Variants in PLPPR1 observed in about 807,000 individuals in gnomAD.
The protein encoded by PLPPR1 is phospholipid phosphatase-related protein type 1.
In PLPPR1, 10 loss-of-function variants were observed where a neutral mutation model predicts 33.1. The observed-to-expected ratio is 0.30, with a 90% CI of 0.19 to 0.51. PLPPR1 has a LOEUF of 0.51. Among genes scored for constraint, PLPPR1 ranks in the 20% least tolerant of loss-of-function variants. The pLI is 0.97. For synonymous variants in PLPPR1, 151 were observed against 151.0 expected (o/e 1.00, Z 0.00); for missense variants, 304 against 408.1 (o/e 0.74, Z 2.20).
At chr9:101,151,810 A>T (rs976633271) in intron 1 of PLPPR1, among the ~76,000 whole-genome samples, 14 of 152,172 alleles carry the variant, frequency 9.2e-5, no homozygotes, top group Admixed American at 2.0e-4. Flanking sequence ...AATCCATTCA[A>T]GTTGGTGTGA....
At chr9:101,220,957 A>G in intron 2 of PLPPR1, among the ~76,000 whole-genome samples, 1 of 152,212 alleles carries the variant, frequency 6.6e-6, no homozygotes. Context: ...GAAGAAATGG[A>G]TGCTGGGTTG....
At chr9:101,217,986 T>C (rs1167550358) in intron 2 of PLPPR1, among the ~76,000 whole-genome samples, 1 of 152,126 alleles carries the variant, frequency 6.6e-6, no homozygotes, top group African/African-American at 2.4e-5. Context: ...ACCCTTTGAC[T>C]CAGTAACTTC....
At chr9:101,111,208 A>G (rs1211800731) in intron 1 of PLPPR1, among the ~76,000 whole-genome samples, 3 of 152,126 alleles carry the variant, frequency 2.0e-5, no homozygotes, top group Non-Finnish European at 4.4e-5. Context: ...AGTACTCTCT[A>G]AAGAACAAGT....
At chr9:101,054,150 C>T (rs372106851) in intron 1 of PLPPR1, among the ~76,000 whole-genome samples, 20 of 152,200 alleles carry the variant, frequency 1.3e-4, no homozygotes, top group South Asian at 4.2e-4. Context: ...AGCCACTGCA[C>T]GCCAGCCTGG....
chr9:101,311,784 CATACT>C (rs1828960937), intron 5 of PLPPR1, among the ~76,000 whole-genome samples: 2 of 152,330 alleles, frequency 1.3e-5, no homozygotes, highest in East Asian at 1.9e-4. Flanking sequence ...GCCATATACA[CATACT>C]ATATAAGTAT....
chr9:101,242,744 A>G (rs1827499758), intron 2 of PLPPR1, among the ~76,000 whole-genome samples: 1 of 152,092 alleles, frequency 6.6e-6, no homozygotes, highest in African/African-American at 2.4e-5. Flanking sequence ...ATGCACATTG[A>G]GTTAACCTAT....
chr9:101,170,495 A>T (rs1825925734), intron 1 of PLPPR1, among the ~76,000 whole-genome samples: 1 of 152,206 alleles, frequency 6.6e-6, no homozygotes, highest in African/African-American at 2.4e-5. Context: ...GGTCCCTCCC[A>T]TGACACGTGA....
intron 2 of PLPPR1, among the ~76,000 whole-genome samples, chr9:101,235,184 C>G (rs1275128241): frequency 6.6e-6 from 1 of 151,818 alleles, no homozygotes; most frequent in Non-Finnish European, 1.5e-5. Context: ...CTCATCTCTG[C>G]ATTCCACATT....
intron 1 of PLPPR1, among the ~76,000 whole-genome samples, chr9:101,092,843 C>T (rs912873572): frequency 5.3e-5 from 8 of 152,058 alleles, no homozygotes; most frequent in African/African-American, 1.2e-4. Context: ...GATGAGGTCA[C>T]GAGGCGAGGG....
chr9:101,032,983 G>T (rs535334647), intron 1 of PLPPR1, among the ~76,000 whole-genome samples: 1 of 152,130 alleles, frequency 6.6e-6, no homozygotes, highest in African/African-American at 2.4e-5. Flanking sequence ...CAGAATTTCC[G>T]GATTTAATAT....
At chr9:101,130,544 A>G (rs184510135) in intron 1 of PLPPR1, among the ~76,000 whole-genome samples, 1 of 152,314 alleles carries the variant, frequency 6.6e-6, no homozygotes, top group East Asian at 1.9e-4. Context: ...ACATATTGTT[A>G]AGCACTTATT....
At chr9:101,098,120 T>C (rs1218510878) in intron 1 of PLPPR1, among the ~76,000 whole-genome samples, 1 of 152,104 alleles carries the variant, frequency 6.6e-6, no homozygotes, top group Non-Finnish European at 1.5e-5. Flanking sequence ...GAAATATCAC[T>C]CTGGAGGCCG....
intron 4 of PLPPR1, among the ~76,000 whole-genome samples, chr9:101,289,570 C>T (rs968489408): frequency 6.6e-6 from 1 of 152,200 alleles, no homozygotes; most frequent in Non-Finnish European, 1.5e-5. Flanking sequence ...TAACTTGAAT[C>T]CTGGGGGTGG....
intron 4 of PLPPR1, among the ~76,000 whole-genome samples, chr9:101,299,096 A>T (rs1828700378): frequency 6.6e-6 from 1 of 152,248 alleles, no homozygotes; most frequent in Non-Finnish European, 1.5e-5. Context: ...AGTCTAGATC[A>T]TAAAAGAAAA....
chr9:101,038,710 C>G (rs1432185369), intron 1 of PLPPR1, among the ~76,000 whole-genome samples: 1 of 152,098 alleles, frequency 6.6e-6, no homozygotes, highest in Non-Finnish European at 1.5e-5. Flanking sequence ...TCCACAAATA[C>G]TAGCTTGAGC....
At chr9:101,259,509 G>A (rs1827858707) in intron 2 of PLPPR1, among the ~76,000 whole-genome samples, 1 of 152,146 alleles carries the variant, frequency 6.6e-6, no homozygotes, top group Non-Finnish European at 1.5e-5. Flanking sequence ...AGATCAAAGA[G>A]CCAGCAGATT....
intron 3 of PLPPR1, among the ~76,000 whole-genome samples, chr9:101,270,565 T>C (rs1211522957): frequency 6.6e-6 from 1 of 152,192 alleles, no homozygotes; most frequent in Non-Finnish European, 1.5e-5. Flanking sequence ...CTGTGATTCA[T>C]TCTTGATGGC....
At chr9:101,131,568 G>A (rs936638610) in intron 1 of PLPPR1, 1 of 152,198 alleles carries the variant, frequency 6.6e-6, no homozygotes, top group Non-Finnish European at 1.5e-5. Flanking sequence ...CTCGTCGTGA[G>A]CGGGGAGCCC....
rs554014856 is a variant in PLPPR1, at chr9:101,063,168, G to A, written c.-46+34066G>A. On this transcript the variant is annotated intron_variant, in intron 1 of 7. Coordinates refer to ENST00000374874, the MANE Select transcript of PLPPR1 (RefSeq NM_207299.2). ...GTGTAAAAGCTGCTAGGTAATGCAC[G>A]AGGCACTTCCTTGAACTGTATACTT... Among the ~76,000 whole-genome samples the A allele has an allele frequency of 3.9e-5, 6 of 152,138 alleles. No individual in the cohort carries two copies. The South Asian group carries it at 1.0e-3, about 26-fold the overall frequency.
Sources: allele counts gnomAD v4.1 joint callset (sites outside exome capture counted in the v4.1 genomes callset), GRCh38; gene constraint gnomAD v4.1.1; transcripts MANE v1.5; gene names NCBI Gene and HGNC (gene_info 2026-07-23, HGNC 2026-07-21).